MALRD1: variants seen among roughly 807,000 people sequenced by gnomAD.
The protein encoded by MALRD1 is MAM and LDL receptor class A domain containing 1.
A neutral mutation model predicts 242.1 loss-of-function variants in MALRD1; 247 were observed. That is an observed-to-expected ratio of 1.02 (90% CI 0.92 to 1.13). The LOEUF is 1.13. MALRD1 is among the 50% of genes most tolerant of loss of function. The pLI, the probability that MALRD1 is intolerant of heterozygous loss-of-function variation, is 0.00. For missense variants in MALRD1, 2,989 were observed against 2,533.1 expected (o/e 1.18, Z -3.86); for synonymous variants, 995 against 866.6 (o/e 1.15, Z -2.60).
At chr10:19,690,615 C>G (rs1842778004) in intron 36 of MALRD1, among the ~76,000 whole-genome samples, 1 of 151,898 alleles carries the variant, frequency 6.6e-6, no homozygotes, top group Non-Finnish European at 1.5e-5. Flanking sequence ...ATCCCTCATT[C>G]TATGTGTATT....
chr10:19,609,233 G>A (rs2131595244), intron 35 of MALRD1, among the ~76,000 whole-genome samples: 1 of 152,148 alleles, frequency 6.6e-6, no homozygotes, highest in African/African-American at 2.4e-5. Flanking sequence ...CATGTTTACA[G>A]TTCACTTAGA....
chr10:19,210,446 C>T (rs1227353882), intron 18 of MALRD1, among the ~76,000 whole-genome samples: 1 of 152,170 alleles, frequency 6.6e-6, no homozygotes, highest in Non-Finnish European at 1.5e-5. Flanking sequence ...GATTAATGAA[C>T]ATTTATTTAC....
upstream of MALRD1, among the ~76,000 whole-genome samples, chr10:19,047,731 T>G (rs1013734373): frequency 6.6e-6 from 1 of 152,110 alleles, no homozygotes; most frequent in African/African-American, 2.4e-5. Context: ...CCTGTCCCCC[T>G]GCCCCCCAGA....
intron 22 of MALRD1, among the ~76,000 whole-genome samples, chr10:19,324,669 T>C (rs1248919317): frequency 6.6e-6 from 1 of 151,666 alleles, no homozygotes; most frequent in African/African-American, 2.4e-5. Flanking sequence ...CAGTATAGGA[T>C]AATATATTAT....
In MALRD1 at chr10:19,387,543, G is replaced by T. The variant is rs1846136284; in HGVS notation, c.4457G>T (p.Gly1486Val). 1 of 1,550,100 alleles carries T rather than the reference G, an allele frequency of 6.5e-7. No homozygotes were observed. The highest frequency in any genetic ancestry group is 1.4e-5 in the African/African-American group (1 of 72,988). ...TTTGTTTTAGGTTTCTGCCCACTTG[G>T]CTATAGGGAATGTCATAATGGAAAA... Reference protein sequence around the residue: ...VPLPTGFCPLGYRECHNGKCY... With the variant: ...VPLPTGFCPLVYRECHNGKCY... The change falls in exon 27 of 40, where the codon GGC becomes GTC. Residue 1486 changes from glycine to valine, a missense_variant. Physicochemically the swap from Gly to Val is moderately radical, Grantham distance 109 (BLOSUM62 -3). Transcript: ENST00000454679.
At position 19,165,720 on chromosome 10, in the gene MALRD1, G is replaced by A; in HGVS notation, c.1740G>A (p.Gln580=). 4.1e-6 allele frequency: 5 copies of A among 1,231,618 alleles called. No homozygotes were observed. The highest frequency in any genetic ancestry group is 5.1e-6 in the Non-Finnish European group (5 of 987,958). 76.3% of individuals were successfully genotyped at this position (1,231,618 alleles called of 1,614,324 possible). A position where few individuals can be genotyped will look rare whatever the true frequency, so the allele number is the denominator to read the frequency against. ...CTCTAGATGGAAACTTGCAAAAGCA[G>A]GGCAAAATAATCAGATTCTCCGAAT... ...RTSLDGNLQK[Q]GKIIRFSESQ... is the part of the protein sequence containing the mutation. The change falls in exon 13 of 40, where the codon CAG becomes CAA. Residue 580 remains glutamine (Q), a synonymous_variant. Transcript: ENST00000454679.
rs1845974726 is a variant in MALRD1 at position 19,384,387 on chromosome 10, T to C, written c.4442-3141T>C. Reference sequence around the variant, plus strand: ...ATAGTATATAATATAATATTTACTATATATTATATATTATATAGTATATAT... The same window carrying C: ...ATAGTATATAATATAATATTTACTACATATTATATATTATATAGTATATAT... On this transcript the variant is annotated intron_variant, in intron 26 of 39. Coordinates refer to ENST00000454679, the MANE Select transcript of MALRD1 (RefSeq NM_001142308.3). 4.2e-5 allele frequency among the ~76,000 whole-genome samples: 4 copies of C among 95,752 alleles called. No homozygotes were observed. In the South Asian group the frequency reaches 1.1e-3, roughly 26 times the overall value. The allele number at this position is 95,752 out of a possible 152,430, so 62.8% of individuals were successfully genotyped here. A position where few individuals can be genotyped will look rare whatever the true frequency, so the allele number is the denominator to read the frequency against.
intron 26 of MALRD1, among the ~76,000 whole-genome samples, chr10:19,373,173 T>G (rs1845454754): frequency 6.9e-6 from 1 of 145,240 alleles, no homozygotes; most frequent in South Asian, 2.2e-4. Context: ...CCAGAATGTT[T>G]CCTCCTTGCA....
intron 14 of MALRD1, among the ~76,000 whole-genome samples, chr10:19,183,190 C>T (rs1835591641): frequency 6.7e-6 from 1 of 148,692 alleles, no homozygotes; most frequent in Non-Finnish European, 1.5e-5. Flanking sequence ...CATAGAAATG[C>T]TAATTCTTCA....
chr10:19,331,087 T>A (rs1843341772), intron 23 of MALRD1, among the ~76,000 whole-genome samples: 1 of 152,176 alleles, frequency 6.6e-6, no homozygotes, highest in African/African-American at 2.4e-5. Context: ...AGTAGTGGAT[T>A]GGTGTCTCCT....
At chr10:19,305,698 C>G (rs1189989726) in intron 21 of MALRD1, among the ~76,000 whole-genome samples, 1 of 148,934 alleles carries the variant, frequency 6.7e-6, no homozygotes, top group African/African-American at 2.5e-5. Context: ...CTGATATTAT[C>G]TGTCCTCAGC....
chr10:19,348,890 T>C (rs1844244596), intron 25 of MALRD1, among the ~76,000 whole-genome samples: 1 of 152,160 alleles, frequency 6.6e-6, no homozygotes, highest in African/African-American at 2.4e-5. Flanking sequence ...TCTGAACACA[T>C]GTATTCTGAC....
intron 36 of MALRD1, among the ~76,000 whole-genome samples, chr10:19,656,182 G>A (rs1224603366): frequency 2.0e-5 from 3 of 152,086 alleles, no homozygotes; most frequent in African/African-American, 7.2e-5. Flanking sequence ...AAAAAGCAGA[G>A]TATCTGATAT....
At chr10:19,172,985 T>C (rs1005924076) in intron 13 of MALRD1, among the ~76,000 whole-genome samples, 2 of 152,018 alleles carry the variant, frequency 1.3e-5, no homozygotes, top group African/African-American at 4.8e-5. Context: ...TCTACAGAAA[T>C]CATCTCTAAT....
At chr10:19,310,071 C>T (rs970868474) in intron 21 of MALRD1, among the ~76,000 whole-genome samples, 5 of 151,434 alleles carry the variant, frequency 3.3e-5, no homozygotes, top group African/African-American at 1.2e-4. Context: ...ACTTTCCAAT[C>T]TCTTGTCAGT....
In MALRD1 at chr10:19,165,763, A is replaced by C; in HGVS notation, c.1783A>C (p.Lys595Gln). The C allele has an allele frequency of 1.6e-6, 2 of 1,231,720 alleles. No homozygotes were observed. The highest frequency in any genetic ancestry group is 2.0e-6 in the Non-Finnish European group (2 of 987,964). The allele number at this position is 1,231,720 out of a possible 1,614,324, so 76.3% of individuals were successfully genotyped here. The change falls in exon 13 of 40, where the codon AAA (lysine) becomes CAA (glutamine). Residue 595 changes from lysine (K) to glutamine (Q), a missense_variant. Physicochemically the swap from Lys to Gln is moderately conservative, Grantham distance 53. Transcript: ENST00000454679. ...CTCCGAATCTCAGTGGAGCCACGCA[A>C]AAATTGATCTCATTGCAGAAGCGGG... ...RFSESQWSHA[K>Q]IDLIAEAGES...
chr10:19,729,391 T>C (rs1175488270), intron 38 of MALRD1, among the ~76,000 whole-genome samples: 1 of 152,200 alleles, frequency 6.6e-6, no homozygotes, highest in African/African-American at 2.4e-5. Flanking sequence ...GCAAAAAATA[T>C]ACATTATACA....
At chr10:19,270,828 A>ACACACT (rs1239579987) in intron 19 of MALRD1, among the ~76,000 whole-genome samples, 1 of 151,552 alleles carries the variant, frequency 6.6e-6, no homozygotes, top group East Asian at 1.9e-4. Context: ...ACACACACAC[A>ACACACT]CACACACACA....
At chr10:19,263,549 T>C (rs1839847706) in intron 19 of MALRD1, among the ~76,000 whole-genome samples, 1 of 152,190 alleles carries the variant, frequency 6.6e-6, no homozygotes, top group South Asian at 2.1e-4. Flanking sequence ...TTACGTAGTT[T>C]GATATTAACT....
Sources: gnomAD v4.1 joint callset for allele counts (sites outside exome capture counted in the v4.1 genomes callset) on GRCh38, gnomAD v4.1.1 for gene constraint, MANE v1.5 for transcripts, NCBI Gene and HGNC (gene_info 2026-07-23, HGNC 2026-07-21) for gene names.